Variants in STK3 observed in about 807,000 individuals in gnomAD.
The protein encoded by STK3 is serine/threonine kinase 3, also known as serine/threonine-protein kinase 3.
Under a neutral mutation model 58.0 loss-of-function variants are expected in STK3, and 41 were observed. The ratio of observed to expected loss-of-function variants is 0.71; its 90% CI spans 0.55 to 0.92. The LOEUF is 0.92. STK3 is among the 40% of genes least tolerant of loss of function. The probability of loss-of-function intolerance (pLI) is 0.00; values close to 1 mark genes in which losing one functional copy is unlikely to be tolerated. For missense variants in STK3, 479 were observed against 602.7 expected (o/e 0.79, Z 2.15); for synonymous variants, 170 against 191.0 (o/e 0.89, Z 0.91).
intron 9 of STK3, among the ~76,000 whole-genome samples, chr8:98,536,413 T>C (rs1251110630): frequency 6.6e-6 from 1 of 152,044 alleles, no homozygotes; most frequent in East Asian, 1.9e-4. Flanking sequence ...TGGGCTATGA[T>C]CACAAACACC....
At chr8:98,926,417 G>A (rs1471620813) in intron 1 of STK3, among the ~76,000 whole-genome samples, 3 of 152,070 alleles carry the variant, frequency 2.0e-5, no homozygotes, top group Non-Finnish European at 4.4e-5. Context: ...TATGGAATAC[G>A]GAACTTTTCA....
chr8:98,470,441 T>C (rs1284006833), intron 10 of STK3, among the ~76,000 whole-genome samples: 1 of 152,234 alleles, frequency 6.6e-6, no homozygotes, highest in Non-Finnish European at 1.5e-5. Flanking sequence ...TTAATCATTT[T>C]CTTTTCACAG....
At chr8:98,352,799 T>G in the STK3 span, among the ~76,000 whole-genome samples, 1 of 152,208 alleles carries the variant, frequency 6.6e-6, no homozygotes, top group Non-Finnish European at 1.5e-5. Flanking sequence ...ACAGTAACCT[T>G]TTAACCAAAA....
intron 8 of STK3, among the ~76,000 whole-genome samples, chr8:98,563,243 G>A (rs913353798): frequency 6.6e-6 from 1 of 152,088 alleles, no homozygotes; most frequent in Non-Finnish European, 1.5e-5. Flanking sequence ...TACTGGAGTT[G>A]AGAAACTTAG....
chr8:98,709,892 T>C (rs1328860351), intron 4 of STK3, among the ~76,000 whole-genome samples: 2 of 151,730 alleles, frequency 1.3e-5, no homozygotes, highest in Non-Finnish European at 2.9e-5. Context: ...AAGGATGCTA[T>C]TAGGTTGGTG....
At chr8:98,738,777 C>G (rs1023700659) in intron 4 of STK3, among the ~76,000 whole-genome samples, 1 of 152,246 alleles carries the variant, frequency 6.6e-6, no homozygotes, top group Non-Finnish European at 1.5e-5. Flanking sequence ...CGAGCCTAAG[C>G]AGGGCGAGGC....
chr8:98,423,149 A>G (rs1037658696), intron 3 of STK3, among the ~76,000 whole-genome samples: 1 of 152,222 alleles, frequency 6.6e-6, no homozygotes, highest in African/African-American at 2.4e-5. Context: ...CAGGCACAGA[A>G]TAACTTAACA....
intron 4 of STK3, among the ~76,000 whole-genome samples, chr8:98,726,520 G>A (rs894975220): frequency 2.0e-5 from 3 of 152,172 alleles, no homozygotes; most frequent in African/African-American, 4.8e-5. Flanking sequence ...AGAGGCAAGT[G>A]TGAAGTACAC....
intron 3 of STK3, among the ~76,000 whole-genome samples, chr8:98,850,062 C>G (rs1037868079): frequency 2.0e-5 from 3 of 152,056 alleles, no homozygotes; most frequent in Admixed American, 2.0e-4. Context: ...CAAATTTGCC[C>G]TATACATCAT....
intron 8 of STK3, among the ~76,000 whole-genome samples, chr8:98,558,548 G>T (rs1811773136): frequency 6.6e-6 from 1 of 151,948 alleles, no homozygotes. Flanking sequence ...AGTAAATAAT[G>T]AATATTCATA....
At chr8:98,442,632 C>G (rs1253797732) in intron 1 of STK3, among the ~76,000 whole-genome samples, 1 of 152,212 alleles carries the variant, frequency 6.6e-6, no homozygotes, top group Non-Finnish European at 1.5e-5. Flanking sequence ...TGCGGCTTAG[C>G]AGCATTACGA....
chr8:98,407,264 C>T (rs555179388), intron 3 of STK3, among the ~76,000 whole-genome samples: 14 of 152,326 alleles, frequency 9.2e-5, no homozygotes, highest in African/African-American at 2.9e-4. Flanking sequence ...CTGGAAGAGG[C>T]GGCCACAGTG....
chr8:98,357,048 C>T, the STK3 span, among the ~76,000 whole-genome samples: 3 of 152,216 alleles, frequency 2.0e-5, no homozygotes, highest in South Asian at 6.2e-4. Flanking sequence ...TGCACGTAGC[C>T]TGTCTGCCCT....
chr8:98,681,556 T>C (rs1823647672), intron 6 of STK3, among the ~76,000 whole-genome samples: 1 of 152,192 alleles, frequency 6.6e-6, no homozygotes, highest in Non-Finnish European at 1.5e-5. Flanking sequence ...AAAAATAATA[T>C]GTACAACTAC....
chr8:98,531,662 T>C (rs1826180137), intron 9 of STK3, among the ~76,000 whole-genome samples: 1 of 152,212 alleles, frequency 6.6e-6, no homozygotes, highest in African/African-American at 2.4e-5. Flanking sequence ...AGGAAAGTCT[T>C]AGATGACATC....
At chr8:98,586,073 T>C (rs905214176) in intron 7 of STK3, among the ~76,000 whole-genome samples, 9 of 152,162 alleles carry the variant, frequency 5.9e-5, no homozygotes, top group Non-Finnish European at 8.8e-5. Flanking sequence ...CTTTTTCTAA[T>C]TGAATACCCT....
intron 1 of STK3, among the ~76,000 whole-genome samples, chr8:98,910,308 T>G (rs1355673701): frequency 1.3e-5 from 2 of 152,252 alleles, no homozygotes; most frequent in Non-Finnish European, 2.9e-5. Context: ...TTTGAAAATG[T>G]AACCAGGACT....
chr8:98,676,686 T>A (rs552713621), intron 6 of STK3, among the ~76,000 whole-genome samples: 4 of 150,776 alleles, frequency 2.7e-5, no homozygotes, highest in African/African-American at 9.8e-5. Flanking sequence ...TAAAAAAAAA[T>A]AAGTTCTGTG....
chr8:98,637,829 A>G (rs972145076), intron 6 of STK3, among the ~76,000 whole-genome samples: 4 of 152,214 alleles, frequency 2.6e-5, no homozygotes, highest in African/African-American at 9.6e-5. Flanking sequence ...TTTCAACATC[A>G]ATGTTTGTAA....
Sources: allele counts gnomAD v4.1 joint callset (sites outside exome capture counted in the v4.1 genomes callset), GRCh38; gene constraint gnomAD v4.1.1; transcripts MANE v1.5; gene names NCBI Gene and HGNC (gene_info 2026-07-23, HGNC 2026-07-21).